UNC13B: variants seen among roughly 807,000 people sequenced by gnomAD.
UNC13B encodes the protein protein unc-13 homolog B.
In UNC13B, 144 loss-of-function variants were observed where a neutral mutation model predicts 211.0. That is an observed-to-expected ratio of 0.68 (90% CI 0.60 to 0.78). The LOEUF is 0.78. Among genes scored for constraint, UNC13B ranks in the 30% least tolerant of loss-of-function variants. The pLI is 0.00. For missense variants in UNC13B, 1,777 were observed against 2,002.0 expected (o/e 0.89, Z 2.14); for synonymous variants, 709 against 725.8 (o/e 0.98, Z 0.37).
chr9:35,177,668 A>T (rs186490038), intron 1 of UNC13B, among the ~76,000 whole-genome samples: 2 of 152,334 alleles, frequency 1.3e-5, no homozygotes, highest in African/African-American at 4.8e-5. Flanking sequence ...TCAGTTCCAT[A>T]AACATTTATT....
At chr9:35,260,271 A>G (rs565622423) in intron 7 of UNC13B, among the ~76,000 whole-genome samples, 13 of 152,214 alleles carry the variant, frequency 8.5e-5, no homozygotes, top group African/African-American at 3.1e-4. Context: ...GTCTTACAGT[A>G]TGCCAGATGC....
At chr9:35,231,466 G>A (rs1008240062) in intron 3 of UNC13B, among the ~76,000 whole-genome samples, 1 of 152,048 alleles carries the variant, frequency 6.6e-6, no homozygotes, top group African/African-American at 2.4e-5. Context: ...GATAATGCAG[G>A]TAAACTCCCA....
chr9:35,182,772 A>T (rs1371132072), intron 1 of UNC13B, among the ~76,000 whole-genome samples: 5 of 152,318 alleles, frequency 3.3e-5, no homozygotes, highest in African/African-American at 1.2e-4. Flanking sequence ...CATGTTTCAG[A>T]GAGCACTGGG....
intron 13 of UNC13B, among the ~76,000 whole-genome samples, chr9:35,374,369 G>T (rs1463362289): frequency 8.4e-6 from 1 of 118,716 alleles, no homozygotes; most frequent in African/African-American, 3.9e-5. Context: ...CTGTGCAAGA[G>T]TGTGGCTAGC....
At position 35,305,242 on chromosome 9, in the gene UNC13B, GA is replaced by G; in HGVS notation, c.5839del (p.Thr1947LeufsTer3). ...QSSGFLNLFK[T>X]QVNKEGSPNL... ...CATCTGGATTTTTGAATCTTTTTAA[GA>G]CTCAGGTGAATAAAGAAGGATCACC... On this transcript the variant is annotated frameshift_variant, in exon 9 of 40. Transcript: ENST00000635942. LOFTEE classifies it high-confidence loss of function. 1 of 398,940 alleles carries G rather than the reference GA, an allele frequency of 2.5e-6. No individual in the cohort carries two copies. Among genetic ancestry groups the G allele is most frequent in the Non-Finnish European group, 4.4e-6 (1 of 226,000 alleles). 24.7% of individuals were successfully genotyped at this position (398,940 alleles called of 1,614,324 possible).
intron 11 of UNC13B, among the ~76,000 whole-genome samples, chr9:35,324,762 C>T (rs1830918509): frequency 1.3e-5 from 2 of 152,176 alleles, no homozygotes; most frequent in African/African-American, 4.8e-5. Flanking sequence ...GTTGTTCTTT[C>T]CAGAGTTCTT....
At chr9:35,399,055 T>C (rs755399800) in intron 33 of UNC13B, 21 bp downstream of exon 33, 1 of 1,613,408 alleles carries the variant, frequency 6.2e-7, no homozygotes, top group Admixed American at 1.7e-5. Flanking sequence ...CATTCAGGAC[T>C]ATCCTGTGGG....
chr9:35,162,393 C>A, intron 1 of UNC13B, 88 bp downstream of exon 1: 1 of 1,427,306 alleles, frequency 7.0e-7, no homozygotes, highest in Non-Finnish European at 9.2e-7. Flanking sequence ...CCGTCTCACC[C>A]AAACTTTACA....
intron 7 of UNC13B, among the ~76,000 whole-genome samples, chr9:35,265,707 G>GC (rs1827530005): frequency 6.6e-6 from 1 of 152,156 alleles, no homozygotes; most frequent in Non-Finnish European, 1.5e-5. Context: ...GGAGGCTGCA[G>GC]CGGGAGGATG....
At position 35,243,276 on chromosome 9, in the gene UNC13B, T is replaced by C. The variant is rs1169245258; in HGVS notation, c.395-15T>C. On this transcript the variant is annotated splice_polypyrimidine_tract_variant and intron_variant, in intron 5 of 39. Coordinates refer to ENST00000635942, the MANE Select transcript of UNC13B (RefSeq NM_001371189.2). ...GATGTGATTTCTTTTCTTTTTCTTCTTTTTTTTATGGTAGATATCCCAGAG... is the reference window on the plus strand; with the variant it reads ...GATGTGATTTCTTTTCTTTTTCTTCCTTTTTTTATGGTAGATATCCCAGAG... 1.2e-6 allele frequency: 2 copies of C among 1,602,868 alleles called. No individual in the cohort carries two copies. The highest frequency in any genetic ancestry group is 1.7e-5 in the Admixed American group (1 of 59,602).
intron 27 of UNC13B, 34 bp downstream of exon 27, chr9:35,396,636 G>GA: frequency 6.2e-7 from 1 of 1,612,482 alleles, no homozygotes; most frequent in African/African-American, 1.3e-5. Context: ...AGAGGGAAGG[G>GA]AGCCCTCTGG....
chr9:35,196,197 T>A (rs1192756415), intron 1 of UNC13B, among the ~76,000 whole-genome samples: 1 of 152,210 alleles, frequency 6.6e-6, no homozygotes, highest in Non-Finnish European at 1.5e-5. Context: ...AATGTTAAGT[T>A]TTAAATAAGA....
intron 7 of UNC13B, among the ~76,000 whole-genome samples, chr9:35,290,613 G>A (rs961506967): frequency 6.6e-6 from 1 of 151,334 alleles, no homozygotes; most frequent in Non-Finnish European, 1.5e-5. Context: ...ATGGTATCAG[G>A]GCTTAGCTTC....
chr9:35,252,762 C>T (rs575947164), intron 6 of UNC13B, among the ~76,000 whole-genome samples: 11 of 152,128 alleles, frequency 7.2e-5, no homozygotes, highest in African/African-American at 2.6e-4. Context: ...AACCCCGTCT[C>T]TACTAAAAAT....
chr9:35,309,172 T>A (rs549705098), intron 9 of UNC13B, among the ~76,000 whole-genome samples: 4 of 151,908 alleles, frequency 2.6e-5, no homozygotes, highest in African/African-American at 9.7e-5. Context: ...AGATTAAGAA[T>A]GCTACCTTGA....
At chr9:35,369,482 T>G (rs1833982184) in intron 12 of UNC13B, among the ~76,000 whole-genome samples, 1 of 152,190 alleles carries the variant, frequency 6.6e-6, no homozygotes, top group African/African-American at 2.4e-5. Context: ...TGTAGTTTCT[T>G]TTGGGTACAT....
intron 11 of UNC13B, among the ~76,000 whole-genome samples, chr9:35,324,413 T>G (rs898719827): frequency 3.3e-5 from 5 of 152,244 alleles, no homozygotes; most frequent in Admixed American, 3.3e-4. Flanking sequence ...GAAGGGAATA[T>G]AATATGCACA....
At chr9:35,349,703 G>A (rs534967568) in intron 11 of UNC13B, among the ~76,000 whole-genome samples, 93 of 152,364 alleles carry the variant, frequency 6.1e-4, no homozygotes, top group African/African-American at 2.2e-3. Flanking sequence ...TGCAGTTTCT[G>A]TCTCTTGGTT....
At chr9:35,398,100 C>G (rs986423557) in intron 30 of UNC13B, 111 bp from the exon 31 acceptor site, 2 of 910,862 alleles carry the variant, frequency 2.2e-6, no homozygotes, top group African/African-American at 1.7e-5. Flanking sequence ...AGGGAGAAAC[C>G]TATGTCATAT....
Sources: allele counts gnomAD v4.1 joint callset (sites outside exome capture counted in the v4.1 genomes callset), GRCh38; gene constraint gnomAD v4.1.1; transcripts MANE v1.5; gene names NCBI Gene and HGNC (gene_info 2026-07-23, HGNC 2026-07-21).